CD63: variants seen among roughly 807,000 people sequenced by gnomAD.
CD63 encodes CD63 molecule, also known as CD63 antigen.
A neutral mutation model predicts 29.2 loss-of-function variants in CD63; 16 were observed. That is an observed-to-expected ratio of 0.55 (90% CI 0.37 to 0.83). CD63 has a LOEUF of 0.83. Among genes scored for constraint, CD63 ranks in the 40% least tolerant of loss-of-function variants. CD63 has a pLI of 0.00. For synonymous variants in CD63, 118 were observed against 111.7 expected (o/e 1.06, Z -0.36); for missense variants, 251 against 297.3 (o/e 0.84, Z 1.15).
chr12:55,724,294 C>T, downstream of CD63: 1 of 1,612,094 alleles, frequency 6.2e-7, no homozygotes, highest in South Asian at 1.1e-5. Flanking sequence ...GGAAGGGAAA[C>T]TGATTGCAAC....
At position 55,726,498 on chromosome 12, in the gene CD63, C is replaced by A. The variant is rs1252639228; in HGVS notation, c.426+202G>T. The A allele has an allele frequency of 6.4e-6, 4 of 624,608 alleles. No individual in the cohort carries two copies. In the Admixed American group the frequency reaches 8.7e-5, roughly 14 times the overall value. The allele number at this position is 624,608 out of a possible 1,614,324, so 38.7% of individuals were successfully genotyped here. On this transcript the variant is annotated intron_variant, in intron 5 of 7. Transcript: ENST00000257857. ...TAGGTGGGATTACAGGCACTCACCA[C>A]CACACCTGGCTAATTTTTGTATTTT...
At chr12:55,726,359 T>TG in intron 5 of CD63, 98 bp from the exon 6 acceptor site, 3 of 966,646 alleles carry the variant, frequency 3.1e-6, no homozygotes, top group Non-Finnish European at 4.4e-6. Context: ...TTTTTTTTTT[T>TG]GAGACAGAGA....
intron 2 of CD63, chr12:55,727,981 G>T: frequency 8.5e-7 from 1 of 1,172,200 alleles, no homozygotes; most frequent in Non-Finnish European, 1.1e-6. Context: ...AGCATCAGGC[G>T]GTTGGCTGGT....
chr12:55,723,733 C>T (rs1316822655), downstream of CD63: 5 of 818,622 alleles, frequency 6.1e-6, no homozygotes, highest in Non-Finnish European at 1.0e-5. Context: ...CCTCCCTCTA[C>T]CCCACTTGAC....
rs529992950 is a variant in CD63, at chr12:55,725,475, G to A, written c.*86C>T. ...AGACAAACTCAGACCATCTCTTTTC[G>A]GTCTGAAAAAATAATCCGTTTAATT... On this transcript the variant is annotated 3_prime_UTR_variant, in exon 8 of 8. Coordinates refer to ENST00000257857, the MANE Select transcript of CD63 (RefSeq NM_001780.6). 1.2e-3 allele frequency: 1,264 copies of A among 1,072,884 alleles called. 2 individuals carry two copies. The highest frequency in any genetic ancestry group is 1.7e-3 in the Non-Finnish European group (1,166 of 690,638). The allele number at this position is 1,072,884 out of a possible 1,614,324, so 66.5% of individuals were successfully genotyped here.
At position 55,727,265 on chromosome 12, in the gene CD63, A is replaced by G. The variant is rs1254260687; in HGVS notation, c.141T>C (p.Ala47=). 1 of 1,613,752 alleles carries G rather than the reference A, an allele frequency of 6.2e-7. No homozygotes were observed. The highest frequency in any genetic ancestry group is 8.5e-7 in the Non-Finnish European group (1 of 1,179,868). The change falls in exon 3 of 8, where the codon GCT becomes GCC. Residue 47 remains alanine, a synonymous_variant. Coordinates refer to ENST00000257857, the MANE Select transcript of CD63 (RefSeq NM_001780.6). ...LVLSQTIIQG[A]TPGSLLPVVI... is the part of the protein sequence containing the mutation. ...CCACTGGCAACAGAGAGCCAGGGGT[A>G]GCCCCCTGGATTATGGTCTGACTCA... is the stretch of plus-strand genomic sequence containing the variant.
At position 55,727,227 on chromosome 12, in the gene CD63, A is replaced by G; in HGVS notation, c.179T>C (p.Val60Ala). The change falls in exon 3 of 8, where the codon GTG becomes GCG. Residue 60 changes from valine (V) to alanine (A), a missense_variant. Physicochemically the swap from Val to Ala is moderately conservative, Grantham distance 64. Transcript: ENST00000257857. ...GSLLPVVIIA[V>A]GVFLFLVAFV... ...AGCCACCAGGAAGAGGAAGACACCC[A>G]CTGCGATGATGACCACTGGCAACAG... is the stretch of plus-strand genomic sequence containing the variant. 6.2e-7 allele frequency: 1 copy of G among 1,613,846 alleles called. No homozygotes were observed. The highest frequency in any genetic ancestry group is 8.5e-7 in the Non-Finnish European group (1 of 1,180,000).
downstream of CD63, chr12:55,723,546 A>C: frequency 3.1e-6 from 1 of 322,466 alleles, no homozygotes; most frequent in Non-Finnish European, 6.0e-6. Context: ...ACAAGCTGAT[A>C]ATGGTTTTTT....
In CD63 at chr12:55,725,532, C is replaced by T. The variant is rs766020356; in HGVS notation, c.*29G>A. 5.7e-6 allele frequency: 9 copies of T among 1,569,626 alleles called. No homozygotes were observed. In the East Asian group the frequency reaches 9.0e-5, roughly 16 times the overall value. ...CCTGGAGGATACTATTCCACTCCCC[C>T]AGATGAGGAGGCTGAGGAGACCAGA... On this transcript the variant is annotated 3_prime_UTR_variant, in exon 8 of 8. Coordinates refer to ENST00000257857, the MANE Select transcript of CD63 (RefSeq NM_001780.6).
In CD63 at chr12:55,728,502, A is replaced by C. The variant is rs1388509776; in HGVS notation, c.-11-150T>G. 1.4e-6 allele frequency: 2 copies of C among 1,469,278 alleles called. No individual in the cohort carries two copies. The highest frequency in any genetic ancestry group is 1.8e-6 in the Non-Finnish European group (2 of 1,114,602). 91.0% of individuals were successfully genotyped at this position (1,469,278 alleles called of 1,614,324 possible). A position where few individuals can be genotyped will look rare whatever the true frequency, so the allele number is the denominator to read the frequency against. On this transcript the variant is annotated intron_variant, in intron 1 of 7. Coordinates refer to ENST00000257857, the MANE Select transcript of CD63 (RefSeq NM_001780.6). The surrounding 1 kb of genome is among the most constrained non-coding windows in gnomAD (Gnocchi z 4.8). ...ACCCGCGGTCGGATCCACGTCTCCC[A>C]GCCCCCTCTTTACCCGCAGGAGAGG...
rs1180165722 is a variant in CD63, at chr12:55,726,946, G to T, written c.274C>A (p.Leu92Ile). 6.8e-6 allele frequency: 11 copies of T among 1,613,946 alleles called. No individual in the cohort carries two copies. The highest frequency in any genetic ancestry group is 2.7e-5 in the African/African-American group (2 of 74,920). ...GCGGCCACCTCCACCAACATGATAA[G>T]AGACAGAAAGATGGCAAACTGCAGG... is the stretch of plus-strand genomic sequence containing the variant. ...LMITFAIFLS[L>I]IMLVEVAAAI... is the part of the protein sequence containing the mutation. The change falls in exon 4 of 8, where the codon CTT becomes ATT. Residue 92 changes from leucine to isoleucine, a missense_variant. Transcript: ENST00000257857.
Position 55,728,623 on chromosome 12 carries a change from C to T in CD63, c.-11-271G>A. ...GCCGGCAGGGGCTTGAGCCTGACGC[C>T]GACCCTCGGCCCGCCAGTCTCCGGG... On this transcript the variant is annotated intron_variant, in intron 1 of 7. Transcript: ENST00000257857. The surrounding 1 kb of genome is among the most constrained non-coding windows in gnomAD (Gnocchi z 4.8). 1 of 1,311,090 alleles carries T rather than the reference C, an allele frequency of 7.6e-7. No homozygotes were observed. The highest frequency in any genetic ancestry group is 9.7e-7 in the Non-Finnish European group (1 of 1,027,550). 81.2% of individuals were successfully genotyped at this position (1,311,090 alleles called of 1,614,324 possible). A position where few individuals can be genotyped will look rare whatever the true frequency, so the allele number is the denominator to read the frequency against.
chr12:55,723,704 C>G, downstream of CD63: 1 of 669,428 alleles, frequency 1.5e-6, no homozygotes, highest in Non-Finnish European at 2.6e-6. Context: ...TCAAAGAAAA[C>G]AAACCTCAAA....
Position 55,725,406 on chromosome 12 carries a change from C to T in CD63, c.*155G>A, listed in dbSNP as rs1003558165. 4.7e-5 allele frequency: 32 copies of T among 686,408 alleles called. No individual in the cohort carries two copies. The highest frequency in any genetic ancestry group is 1.4e-4 in the Admixed American group (6 of 42,042). 42.5% of individuals were successfully genotyped at this position (686,408 alleles called of 1,614,324 possible). A position where few individuals can be genotyped will look rare whatever the true frequency, so the allele number is the denominator to read the frequency against. ...ACACATGCATTAAGGTCCCAGAGGACAGGGAACATCAGTAAGGAAAGGAAG... is the reference window on the plus strand; with the variant it reads ...ACACATGCATTAAGGTCCCAGAGGATAGGGAACATCAGTAAGGAAAGGAAG... On this transcript the variant is annotated 3_prime_UTR_variant, in exon 8 of 8. Transcript: ENST00000257857.
intron 2 of CD63, chr12:55,727,668 C>G: frequency 2.7e-6 from 3 of 1,097,552 alleles, no homozygotes; most frequent in Non-Finnish European, 3.3e-6. Context: ...TCTCCCAGAA[C>G]TGCCCCCTCA....
chr12:55,724,186 A>T, downstream of CD63: 1 of 1,451,586 alleles, frequency 6.9e-7, no homozygotes, highest in South Asian at 1.2e-5. Flanking sequence ...AAGAGTGCCC[A>T]GGCCATGTGG....
At chr12:55,725,711 C>T in intron 7 of CD63, 85 bp from the exon 8 acceptor site, 1 of 1,517,908 alleles carries the variant, frequency 6.6e-7, no homozygotes. Context: ...CAAACACACA[C>T]TCCCAGGCCA....
In CD63 at chr12:55,728,668, A is replaced by C. The variant is rs1592534549; in HGVS notation, c.-12+285T>G. 10 of 1,170,412 alleles carry C rather than the reference A, an allele frequency of 8.5e-6. No homozygotes were observed. The South Asian group carries it at 9.1e-5, about 11-fold the overall frequency. 72.5% of individuals were successfully genotyped at this position (1,170,412 alleles called of 1,614,324 possible). The stretch of plus-strand genomic sequence containing the variant: ...TCCGGGCGTCAAACACCCTTTCCCC[A>C]CCCAACACCCAGCCTGGAGAAACGG... On this transcript the variant is annotated intron_variant, in intron 1 of 7. Coordinates refer to ENST00000257857, the MANE Select transcript of CD63 (RefSeq NM_001780.6). This position sits in a 1 kb window ranked among gnomAD's most constrained non-coding sequence, Gnocchi z 4.8.
At position 55,728,392 on chromosome 12, in the gene CD63, A is replaced by T. The variant is rs1877656030; in HGVS notation, c.-11-40T>A. On this transcript the variant is annotated intron_variant, in intron 1 of 7. Transcript: ENST00000257857. This position sits in a 1 kb window ranked among gnomAD's most constrained non-coding sequence, Gnocchi z 4.8. ...AGGGCGGGGGGATTAAAACTGGCCG[A>T]AGGGGGACCTCGGTTTCCGGGCTCC... 1.9e-6 allele frequency: 3 copies of T among 1,580,274 alleles called. No individual in the cohort carries two copies. Among genetic ancestry groups the T allele is most frequent in the Non-Finnish European group, 2.6e-6 (3 of 1,163,920 alleles).
Sources: gnomAD v4.1 joint callset for allele counts on GRCh38, gnomAD v4.1.1 for gene constraint, Gnocchi (gnomAD v3.1) non-coding constraint, MANE v1.5 for transcripts, NCBI Gene and HGNC (gene_info 2026-07-23, HGNC 2026-07-21) for gene names.